The following RAPGEF2 variants were observed in gnomAD, a reference collection of about 807,000 sequenced individuals.
RAPGEF2 encodes PDZ domain containing guanine nucleotide exchange factor (GEF) 1.
A neutral mutation model predicts 186.7 loss-of-function variants in RAPGEF2; 54 were observed. The ratio of observed to expected loss-of-function variants is 0.29; its 90% confidence interval spans 0.23 to 0.36. The LOEUF is 0.36. RAPGEF2 is among the 10% of genes least tolerant of loss of function. The pLI is 1.00. For missense variants in RAPGEF2, 1,532 were observed against 2,045.0 expected, an observed-to-expected ratio of 0.75 and a Z score of 4.84; for synonymous variants, 712 against 705.9, an observed-to-expected ratio of 1.01 and a Z score of -0.14.
At position 159,358,348 on chromosome 4, in the gene RAPGEF2, TCAGACTTTGTTGCTTGAAATGCACAGTG is replaced by T; in HGVS notation, c.*213_*240del. The T allele has an allele frequency of 1.8e-6, 1 of 545,880 alleles. No homozygotes were observed. The highest frequency in any genetic ancestry group is 3.2e-6 in the Non-Finnish European group (1 of 309,798). The allele number at this position is 545,880 out of a possible 1,614,324, so 33.8% of individuals were successfully genotyped here. ...TGTGAAGAAATTGCCCTGGCACTTT[TCAGACTTTGTTGCTTGAAATGCACAGTG>T]CAGCAATCTTCGAGCTCCCACTGTT... On this transcript the variant is annotated 3_prime_UTR_variant, in exon 30 of 30. Transcript: ENST00000691494.
At chr4:159,174,944 A>G (rs1354407927) in intron 1 of RAPGEF2, among the ~76,000 whole-genome samples, 4 of 151,934 alleles carry the variant, frequency 2.6e-5, no homozygotes, top group African/African-American at 9.7e-5. Flanking sequence ...TTTTTTCTCT[A>G]TAGAGATGGG....
intron 7 of RAPGEF2, chr4:159,267,795 T>TC (rs1284925969): frequency 2.1e-6 from 2 of 956,612 alleles, no homozygotes; most frequent in African/African-American, 3.5e-5. Context: ...TTTTTTCTTT[T>TC]TTTTTTTTTT....
Position 159,240,268 on chromosome 4 carries a change from A to G in RAPGEF2, c.358-933A>G, listed in dbSNP as rs143394278. 1.7e-3 allele frequency among the ~76,000 whole-genome samples: 254 copies of G among 150,868 alleles called. 1 individual carries two copies. Among genetic ancestry groups the G allele is most frequent in the African/African-American group, 5.6e-3 (232 of 41,100 alleles). On this transcript the variant is annotated intron_variant, in intron 5 of 29. Coordinates refer to ENST00000691494, the MANE Select transcript of RAPGEF2 (RefSeq NM_001394067.2). Reference sequence around the variant, plus strand: ...GTAACCTAGACATGCCTCCATTATGAGAAGTCACATGAGGAATAACCTAAT... The same window carrying G: ...GTAACCTAGACATGCCTCCATTATGGGAAGTCACATGAGGAATAACCTAAT...
chr4:159,110,271 G>A (rs1332729179), intron 1 of RAPGEF2, among the ~76,000 whole-genome samples: 1 of 152,122 alleles, frequency 6.6e-6, no homozygotes, highest in Admixed American at 6.5e-5. Context: ...TGGGAATCTA[G>A]TTTGAAATAT....
At chr4:159,204,958 T>C (rs1460745071) in intron 3 of RAPGEF2, among the ~76,000 whole-genome samples, 1 of 152,236 alleles carries the variant, frequency 6.6e-6, no homozygotes, top group Admixed American at 6.5e-5. Flanking sequence ...CTTTCAGGAT[T>C]AAGCTTTGGC....
intron 8 of RAPGEF2, among the ~76,000 whole-genome samples, chr4:159,313,115 T>C (rs1049642961): frequency 6.6e-6 from 1 of 152,064 alleles, no homozygotes; most frequent in African/African-American, 2.4e-5. Flanking sequence ...GCCATTGCAC[T>C]CCAGCCTGGG....
rs564994491 is a variant in RAPGEF2, at chr4:159,166,245, C to G, written c.70-20397C>G. On this transcript the variant is annotated intron_variant, in intron 1 of 29. Transcript: ENST00000691494. ...AGGAGAATTGCTTGAACCCAGGAGG[C>G]GGAGGTTGCAGTGAGCCGAGATCAT... Among the ~76,000 whole-genome samples, 7 of 151,834 alleles carry G rather than the reference C, an allele frequency of 4.6e-5. No homozygotes were observed. The South Asian group carries it at 8.3e-4, about 18-fold the overall frequency.
At chr4:159,260,389 T>C (rs1382594879) in intron 7 of RAPGEF2, among the ~76,000 whole-genome samples, 1 of 152,044 alleles carries the variant, frequency 6.6e-6, no homozygotes. Context: ...GGAAATCTTA[T>C]CCCCAAACAG....
At chr4:159,283,002 G>A (rs1391404550) in intron 7 of RAPGEF2, among the ~76,000 whole-genome samples, 3 of 152,110 alleles carry the variant, frequency 2.0e-5, no homozygotes, top group Non-Finnish European at 4.4e-5. Context: ...GTATGTAAGA[G>A]GAGCATGGTT....
chr4:159,268,022 A>G (rs1757637212), intron 7 of RAPGEF2: 4 of 1,450,602 alleles, frequency 2.8e-6, no homozygotes, highest in Admixed American at 5.5e-5. Context: ...TGACACTTTA[A>G]GCTGCAGCTT....
intron 26 of RAPGEF2, chr4:159,351,114 T>C (rs1731109971): frequency 1.3e-6 from 2 of 1,535,218 alleles, no homozygotes; most frequent in East Asian, 4.9e-5. Context: ...ACTTAACCAG[T>C]TCCTCCTCTT....
At chr4:159,300,654 C>A (rs1057226385) in intron 7 of RAPGEF2, among the ~76,000 whole-genome samples, 1 of 151,906 alleles carries the variant, frequency 6.6e-6, no homozygotes, top group African/African-American at 2.4e-5. Context: ...AACAGAATTT[C>A]TGTTATAAAT....
intron 4 of RAPGEF2, among the ~76,000 whole-genome samples, chr4:159,235,223 A>G (rs1753113897): frequency 6.6e-6 from 1 of 152,130 alleles, no homozygotes; most frequent in Non-Finnish European, 1.5e-5. Flanking sequence ...ATGCATTGTA[A>G]TTATTGTTTT....
intron 8 of RAPGEF2, among the ~76,000 whole-genome samples, chr4:159,310,245 C>CT (rs1395202753): frequency 1.3e-5 from 2 of 152,104 alleles, no homozygotes; most frequent in Non-Finnish European, 2.9e-5. Flanking sequence ...GATTTTCTTA[C>CT]TTAAAATAAG....
intron 4 of RAPGEF2, chr4:159,229,423 A>G (rs531756947): frequency 9.2e-5 from 14 of 152,294 alleles, no homozygotes; most frequent in Non-Finnish European, 1.8e-4. Flanking sequence ...TCTTGACCCA[A>G]CTTGGGAGAG....
intron 2 of RAPGEF2, among the ~76,000 whole-genome samples, chr4:159,188,291 A>G (rs1237454092): frequency 6.6e-6 from 1 of 152,202 alleles, no homozygotes; most frequent in Admixed American, 6.5e-5. Flanking sequence ...TGATTATATA[A>G]TGCATTTTAT....
At chr4:159,163,183 G>C (rs545329059) in intron 1 of RAPGEF2, among the ~76,000 whole-genome samples, 1 of 152,148 alleles carries the variant, frequency 6.6e-6, no homozygotes, top group Non-Finnish European at 1.5e-5. Context: ...AATTATAAGA[G>C]TGGGGTGGTT....
At chr4:159,203,805 A>G (rs1301132133) in intron 3 of RAPGEF2, among the ~76,000 whole-genome samples, 1 of 152,234 alleles carries the variant, frequency 6.6e-6, no homozygotes, top group Non-Finnish European at 1.5e-5. Context: ...TTTTGTTACC[A>G]TCATGCAAGG....
At position 159,338,401 on chromosome 4, in the gene RAPGEF2, C is replaced by T. The variant is rs751044127; in HGVS notation, c.2226C>T (p.Thr742=). Residue 742 remains threonine (T), a synonymous_variant, in exon 18 of 30, where the codon ACC becomes ACT. Coordinates refer to ENST00000691494, the MANE Select transcript of RAPGEF2 (RefSeq NM_001394067.2). ...CAACTGCATTGCCTGTCAGTGGAACCTTATCATCCAGTAATCCTGATTTAT... is the reference window on the plus strand; with the variant it reads ...CAACTGCATTGCCTGTCAGTGGAACTTTATCATCCAGTAATCCTGATTTAT... ...HIPTALPVSG[T]LSSSNPDLLQ... 4 of 1,614,112 alleles carry T rather than the reference C, an allele frequency of 2.5e-6. No homozygotes were observed. The South Asian group carries it at 3.3e-5, about 13-fold the overall frequency.
Sources: gnomAD v4.1 joint callset for allele counts (sites outside exome capture counted in the v4.1 genomes callset) on GRCh38, gnomAD v4.1.1 for gene constraint, MANE v1.5 for transcripts, NCBI Gene and HGNC (gene_info 2026-07-23, HGNC 2026-07-21) for gene names.